The following RHOJ variants were observed in gnomAD, a reference collection of about 807,000 sequenced individuals.
RHOJ encodes the protein ras homolog family member J, also known as rho-related GTP-binding protein RhoJ.
A neutral mutation model predicts 23.4 loss-of-function variants in RHOJ; 11 were observed. The observed-to-expected ratio is 0.47, with a 90% confidence interval of 0.30 to 0.78. RHOJ has a LOEUF of 0.78. Among genes scored for constraint, RHOJ ranks in the 30% least tolerant of loss-of-function variants. The pLI, the probability that RHOJ is intolerant of heterozygous loss-of-function variation, is 0.08. For synonymous variants in RHOJ, 102 were observed against 102.7 expected (o/e 0.99, Z 0.04); for missense variants, 254 against 273.4 (o/e 0.93, Z 0.50).
intron 2 of RHOJ, among the ~76,000 whole-genome samples, chr14:63,274,775 A>G (rs1018993959): frequency 2.0e-5 from 3 of 152,286 alleles, no homozygotes; most frequent in African/African-American, 7.2e-5. Flanking sequence ...CATAGTCACA[A>G]ACCCAGAGAA....
At chr14:63,261,326 G>A (rs1331796711) in intron 1 of RHOJ, among the ~76,000 whole-genome samples, 4 of 151,976 alleles carry the variant, frequency 2.6e-5, no homozygotes, top group Non-Finnish European at 2.9e-5. Flanking sequence ...TTTTCCTGGT[G>A]TATTTACCTT....
chr14:63,255,995 A>G (rs1381579223), intron 1 of RHOJ, among the ~76,000 whole-genome samples: 1 of 152,082 alleles, frequency 6.6e-6, no homozygotes, highest in Non-Finnish European at 1.5e-5. Flanking sequence ...TAGCCTCCCA[A>G]GTCGCTAAGA....
chr14:63,220,971 G>A (rs1046341904), intron 1 of RHOJ, among the ~76,000 whole-genome samples: 5 of 152,044 alleles, frequency 3.3e-5, no homozygotes, highest in African/African-American at 9.7e-5. Flanking sequence ...TCTTGAGGCA[G>A]TAAGACCCCA....
chr14:63,240,850 AT>A (rs1894870382), intron 1 of RHOJ, among the ~76,000 whole-genome samples: 1 of 152,242 alleles, frequency 6.6e-6, no homozygotes, highest in Non-Finnish European at 1.5e-5. Flanking sequence ...TAAGACATTT[AT>A]AATAGGATTC....
At chr14:63,219,046 C>G (rs1293443948) in intron 1 of RHOJ, among the ~76,000 whole-genome samples, 4 of 152,174 alleles carry the variant, frequency 2.6e-5, no homozygotes, top group African/African-American at 9.7e-5. Flanking sequence ...CATAGTTTTC[C>G]TTTGTGATAT....
chr14:63,234,914 G>A lies in RHOJ; in HGVS notation c.178+29867G>A, dbSNP rs184870484. 7.9e-5 allele frequency among the ~76,000 whole-genome samples: 12 copies of A among 152,260 alleles called. No individual in the cohort carries two copies. In the East Asian group the frequency reaches 1.2e-3, roughly 15 times the overall value. On this transcript the variant is annotated intron_variant, in intron 1 of 4. Coordinates refer to ENST00000316754, the MANE Select transcript of RHOJ (RefSeq NM_020663.5). Reference sequence around the variant, plus strand: ...CATATCCACTGAGGCATGGTGCCCCGTTAAAGAAATTAGTTCCCTTCCTTT... The same window carrying A: ...CATATCCACTGAGGCATGGTGCCCCATTAAAGAAATTAGTTCCCTTCCTTT...
At chr14:63,258,733 G>A (rs1377702703) in intron 1 of RHOJ, among the ~76,000 whole-genome samples, 1 of 152,180 alleles carries the variant, frequency 6.6e-6, no homozygotes, top group Non-Finnish European at 1.5e-5. Context: ...GCTGTGGCAG[G>A]CCATGAAAAG....
intron 4 of RHOJ, among the ~76,000 whole-genome samples, chr14:63,289,750 C>T (rs915699410): frequency 6.6e-6 from 1 of 152,116 alleles, no homozygotes; most frequent in Non-Finnish European, 1.5e-5. Context: ...TCAAACACAC[C>T]ATAGTATGAA....
chr14:63,251,785 G>C (rs1025436327), intron 1 of RHOJ, among the ~76,000 whole-genome samples: 1 of 152,166 alleles, frequency 6.6e-6, no homozygotes, highest in African/African-American at 2.4e-5. Flanking sequence ...TACTGCTTCT[G>C]TAACAAATTA....
chr14:63,270,847 C>G (rs539808948), intron 2 of RHOJ, among the ~76,000 whole-genome samples: 3 of 152,334 alleles, frequency 2.0e-5, no homozygotes, highest in African/African-American at 7.2e-5. Flanking sequence ...CCCTGCTGCC[C>G]AGTCAGTTGT....
At chr14:63,257,170 G>A (rs1227944444) in intron 1 of RHOJ, among the ~76,000 whole-genome samples, 1 of 146,046 alleles carries the variant, frequency 6.8e-6, no homozygotes, top group Non-Finnish European at 1.5e-5. Flanking sequence ...ACCAGGAGCT[G>A]GAGGTTGCAG....
chr14:63,230,528 C>T (rs67551358), intron 1 of RHOJ, among the ~76,000 whole-genome samples: 16,579 of 152,136 alleles, frequency 0.11, 1,090 homozygotes, highest in African/African-American at 0.17. Context: ...GACCCCAGTA[C>T]TCACATGACT....
chr14:63,277,327 C>T (rs1425255154), intron 2 of RHOJ, among the ~76,000 whole-genome samples: 2 of 152,168 alleles, frequency 1.3e-5, no homozygotes, highest in African/African-American at 4.8e-5. Flanking sequence ...GCAATAACCC[C>T]TTGGGTGCAT....
Position 63,224,402 on chromosome 14 carries a change from A to G in RHOJ, c.178+19355A>G, listed in dbSNP as rs190728672. On this transcript the variant is annotated intron_variant, in intron 1 of 4. Transcript: ENST00000316754. ...TCATGCGCACGGTCTTGTTCCTTTTATGGGTAGAAATGCCTCCAAGCTGTT... is the reference window on the plus strand; with the variant it reads ...TCATGCGCACGGTCTTGTTCCTTTTGTGGGTAGAAATGCCTCCAAGCTGTT... 3.0e-3 allele frequency among the ~76,000 whole-genome samples: 456 copies of G among 152,204 alleles called. 9 individuals are homozygous for G. The highest frequency in any genetic ancestry group is 1.2e-3 in the Non-Finnish European group (84 of 68,002).
chr14:63,250,039 A>AAGTCACCC (rs1278240808), intron 1 of RHOJ, among the ~76,000 whole-genome samples: 1 of 152,188 alleles, frequency 6.6e-6, no homozygotes, highest in Non-Finnish European at 1.5e-5. Context: ...CATGGACAGC[A>AAGTCACCC]AGTCACCCAT....
At chr14:63,245,664 A>T (rs1043006668) in intron 1 of RHOJ, among the ~76,000 whole-genome samples, 9 of 152,158 alleles carry the variant, frequency 5.9e-5, no homozygotes, top group African/African-American at 1.9e-4. Context: ...AAAAAAAGAA[A>T]AAAAGGGGAG....
chr14:63,254,700 C>T (rs17224589), intron 1 of RHOJ, among the ~76,000 whole-genome samples: 8,617 of 152,064 alleles, frequency 0.057, 320 homozygotes, highest in East Asian at 0.19. Context: ...GCGGAGCTCA[C>T]CCAGAGAAGA....
At chr14:63,254,154 G>A (rs952037985) in intron 1 of RHOJ, among the ~76,000 whole-genome samples, 2 of 152,164 alleles carry the variant, frequency 1.3e-5, no homozygotes, top group African/African-American at 4.8e-5. Context: ...GGCTGTCAGT[G>A]CTGGGAACTG....
At chr14:63,257,063 C>T (rs1407863822) in intron 1 of RHOJ, among the ~76,000 whole-genome samples, 1 of 134,936 alleles carries the variant, frequency 7.4e-6, no homozygotes, top group Non-Finnish European at 1.6e-5. Context: ...TAGAGCGTGA[C>T]TCTGTCCCAA....
Sources: gnomAD v4.1 joint callset for allele counts (sites outside exome capture counted in the v4.1 genomes callset) on GRCh38, gnomAD v4.1.1 for gene constraint, MANE v1.5 for transcripts, NCBI Gene and HGNC (gene_info 2026-07-23, HGNC 2026-07-21) for gene names.